The following NRXN3 variants were observed in gnomAD, a reference collection of about 807,000 sequenced individuals.
The protein encoded by NRXN3 is neurexin III.
A neutral mutation model predicts 137.6 loss-of-function variants in NRXN3; 32 were observed. The observed-to-expected ratio is 0.23, with a 90% CI of 0.18 to 0.31. NRXN3 has a LOEUF of 0.31. NRXN3 is among the 10% of genes least tolerant of loss of function. The pLI is 1.00. For synonymous variants in NRXN3, 798 were observed against 784.5 expected (o/e 1.02, Z -0.29); for missense variants, 1,574 against 2,062.5 (o/e 0.76, Z 4.59).
At chr14:79,659,214 A>C (rs1301985389) in intron 16 of NRXN3, among the ~76,000 whole-genome samples, 1 of 151,548 alleles carries the variant, frequency 6.6e-6, no homozygotes, top group East Asian at 1.9e-4. Context: ...TCCTGAATGC[A>C]CTTGAGGATT....
At chr14:78,776,869 G>T (rs1364899725) in intron 8 of NRXN3, among the ~76,000 whole-genome samples, 1 of 152,166 alleles carries the variant, frequency 6.6e-6, no homozygotes, top group East Asian at 1.9e-4. Flanking sequence ...AATATAGTTT[G>T]CTGGGTCCCA....
intron 20 of NRXN3, among the ~76,000 whole-genome samples, chr14:79,814,028 C>T (rs1356776644): frequency 6.6e-6 from 1 of 152,216 alleles, no homozygotes; most frequent in Non-Finnish European, 1.5e-5. Flanking sequence ...CCATGGCCTC[C>T]ATCACAAGTG....
intron 10 of NRXN3, among the ~76,000 whole-genome samples, chr14:78,914,079 G>A (rs1355427186): frequency 6.6e-6 from 1 of 152,104 alleles, no homozygotes; most frequent in Non-Finnish European, 1.5e-5. Context: ...AATCCAAACT[G>A]GACCCTCTTC....
intron 16 of NRXN3, among the ~76,000 whole-genome samples, chr14:79,592,998 G>GT (rs2097821798): frequency 6.6e-6 from 1 of 152,120 alleles, no homozygotes; most frequent in Non-Finnish European, 1.5e-5. Context: ...TATTTCAAAA[G>GT]TAAAAACATA....
chr14:79,859,456 G>C (rs981582696), intron 20 of NRXN3, among the ~76,000 whole-genome samples: 1 of 152,170 alleles, frequency 6.6e-6, no homozygotes, highest in Non-Finnish European at 1.5e-5. Flanking sequence ...AGGATGCAAG[G>C]TGTGGAAAGG....
In NRXN3 at chr14:79,648,424, T is replaced by C. The variant is rs1424606380; in HGVS notation, c.3445-15354T>C. 2.2e-5 allele frequency among the ~76,000 whole-genome samples: 3 copies of C among 135,196 alleles called. 1 individual carries two copies. The highest frequency in any genetic ancestry group is 5.2e-5 in the Non-Finnish European group (3 of 58,220). 88.7% of individuals were successfully genotyped at this position (135,196 alleles called of 152,430 possible). A position where few individuals can be genotyped will look rare whatever the true frequency, so the allele number is the denominator to read the frequency against. ...GTCTAGCTGTTCACGAGAGATCTGA[T>C]CTTAAAATGTTGAAAACTAATTCAC... On this transcript the variant is annotated intron_variant, in intron 16 of 20. Transcript: ENST00000335750.
At chr14:78,489,982 T>A (rs2095634402) in intron 4 of NRXN3, among the ~76,000 whole-genome samples, 1 of 152,044 alleles carries the variant, frequency 6.6e-6, no homozygotes, top group African/African-American at 2.4e-5. Context: ...TGGCACGATC[T>A]TGGCTCACTG....
At chr14:79,026,872 T>A (rs1208766998) in intron 15 of NRXN3, among the ~76,000 whole-genome samples, 1 of 150,228 alleles carries the variant, frequency 6.7e-6, no homozygotes, top group South Asian at 2.1e-4. Flanking sequence ...ATTAGCAAGA[T>A]CTGCAAAAGA....
At chr14:79,418,390 C>T (rs1216560284) in intron 15 of NRXN3, among the ~76,000 whole-genome samples, 3 of 152,156 alleles carry the variant, frequency 2.0e-5, no homozygotes, top group Non-Finnish European at 2.9e-5. Flanking sequence ...CTTTAAATAG[C>T]TGTCAGATTT....
At chr14:78,233,699 A>AAAG (rs2065786347) in intron 1 of NRXN3, among the ~76,000 whole-genome samples, 1 of 151,540 alleles carries the variant, frequency 6.6e-6, no homozygotes, top group African/African-American at 2.4e-5. Flanking sequence ...AAAAAAAAAA[A>AAAG]AAAAAAAAGA....
intron 15 of NRXN3, among the ~76,000 whole-genome samples, chr14:79,203,896 A>C (rs2066416927): frequency 6.6e-6 from 1 of 152,196 alleles, no homozygotes; most frequent in African/African-American, 2.4e-5. Flanking sequence ...TTTACTTAAT[A>C]ATTAATTGGC....
At chr14:78,310,724 CA>C (rs1397865858) in intron 4 of NRXN3, among the ~76,000 whole-genome samples, 2 of 151,972 alleles carry the variant, frequency 1.3e-5, no homozygotes, top group Non-Finnish European at 2.9e-5. Flanking sequence ...GGACCTAATT[CA>C]GAATGCTGGG....
intron 16 of NRXN3, among the ~76,000 whole-genome samples, chr14:79,578,115 T>C (rs112591394): frequency 3.9e-5 from 6 of 152,320 alleles, no homozygotes; most frequent in Admixed American, 2.6e-4. Context: ...TCAGATTTGA[T>C]AATTTGCTCA....
rs936486037 is a variant in NRXN3 at position 79,443,462 on chromosome 14, A to G, written c.3263-23759A>G. On this transcript the variant is annotated intron_variant, in intron 15 of 20. Transcript: ENST00000335750. The stretch of plus-strand genomic sequence containing the variant: ...TGGCCAAATAGCTGTTTGAATGGAT[A>G]AAAAAGCTTCATAAAGAAAGTGATA... Among the ~76,000 whole-genome samples, 3 of 152,186 alleles carry G rather than the reference A, an allele frequency of 2.0e-5. No homozygotes were observed. In the East Asian group the frequency reaches 5.8e-4, roughly 29 times the overall value.
chr14:79,121,178 A>G (rs2055360584), intron 15 of NRXN3, among the ~76,000 whole-genome samples: 1 of 152,234 alleles, frequency 6.6e-6, no homozygotes, highest in African/African-American at 2.4e-5. Context: ...CTGTAAGAAC[A>G]TTTGATCCAC....
intron 6 of NRXN3, among the ~76,000 whole-genome samples, chr14:78,702,522 G>C (rs1180150675): frequency 8.3e-5 from 12 of 145,072 alleles, no homozygotes; most frequent in African/African-American, 3.1e-4. Context: ...TCAGCTCACT[G>C]CAACCTCCAC....
intron 10 of NRXN3, among the ~76,000 whole-genome samples, chr14:78,931,590 A>T (rs1342819216): frequency 6.6e-6 from 1 of 152,056 alleles, no homozygotes; most frequent in Non-Finnish European, 1.5e-5. Context: ...GGACCCTGAG[A>T]ATCATATATT....
chr14:78,822,254 A>T (rs2098952770), intron 10 of NRXN3, among the ~76,000 whole-genome samples: 1 of 152,224 alleles, frequency 6.6e-6, no homozygotes, highest in African/African-American at 2.4e-5. Flanking sequence ...TAATTATTAT[A>T]GTAAAAACAA....
At chr14:78,644,065 C>T (rs1488003540) in intron 4 of NRXN3, among the ~76,000 whole-genome samples, 6 of 146,410 alleles carry the variant, frequency 4.1e-5, no homozygotes, top group Admixed American at 1.4e-4. Flanking sequence ...CGCTTGAACC[C>T]GGGAGGCGGA....
Sources: allele counts gnomAD v4.1 joint callset (sites outside exome capture counted in the v4.1 genomes callset), GRCh38; gene constraint gnomAD v4.1.1; transcripts MANE v1.5; gene names NCBI Gene and HGNC (gene_info 2026-07-23, HGNC 2026-07-21).